Variants in ADGRV1 observed in about 807,000 individuals in gnomAD.
The protein encoded by ADGRV1 is G-protein coupled receptor 98.
In ADGRV1, 359 loss-of-function variants were observed where a neutral mutation model predicts 596.2. The ratio of observed to expected loss-of-function variants is 0.60; its 90% CI spans 0.55 to 0.66. The LOEUF (loss-of-function observed/expected upper bound fraction) is 0.66, where lower values mean the gene tolerates loss of function less well. Ranked by LOEUF, ADGRV1 falls within the 30% of genes least tolerant of loss-of-function variation. The probability of loss-of-function intolerance (pLI) is 0.00; values close to 1 mark genes in which losing one functional copy is unlikely to be tolerated. For synonymous variants in ADGRV1, 2,681 were observed against 2,679.2 expected, an observed-to-expected ratio of 1.00 and a Z score of -0.02; for missense variants, 7,274 against 7,575.6, an observed-to-expected ratio of 0.96 and a Z score of 1.48.
rs1052699448 is a variant in ADGRV1 at position 90,878,167 on chromosome 5, T to C, written c.17856+14310T>C. 1.4e-4 allele frequency among the ~76,000 whole-genome samples: 22 copies of C among 152,204 alleles called. 1 individual carries two copies. The highest frequency in any genetic ancestry group is 3.6e-4 in the African/African-American group (15 of 41,462). On this transcript the variant is annotated intron_variant, in intron 83 of 89. Coordinates refer to ENST00000405460, the MANE Select transcript of ADGRV1 (RefSeq NM_032119.4). ...CTAAATAGAAGCAAGTTTGAGAGAA[T>C]AGACTTCCGTCAGAATTGGCTACTG...
chr5:90,940,947 T>G (rs1776120501), intron 83 of ADGRV1, among the ~76,000 whole-genome samples: 1 of 152,210 alleles, frequency 6.6e-6, no homozygotes, highest in African/African-American at 2.4e-5. Flanking sequence ...GACACAGAAG[T>G]AGCTGTTTGT....
At position 91,006,575 on chromosome 5, in the gene ADGRV1, T is replaced by C. The variant is rs113866054; in HGVS notation, c.18152+21053T>C. Among the ~76,000 whole-genome samples, 302 of 152,304 alleles carry C rather than the reference T, an allele frequency of 2.0e-3. 1 individual carries two copies. The highest frequency in any genetic ancestry group is 7.0e-3 in the African/African-American group (291 of 41,576). ...TGGAGAAACCTGAATGATAGATAAG[T>C]ACTTCCTCTAACACGGTCAATTGAA... On this transcript the variant is annotated intron_variant, in intron 85 of 89. Coordinates refer to ENST00000405460, the MANE Select transcript of ADGRV1 (RefSeq NM_032119.4).
intron 41 of ADGRV1, 23 bp from the exon 42 acceptor site, chr5:90,712,264 T>G: frequency 7.0e-7 from 1 of 1,434,948 alleles, no homozygotes; most frequent in Non-Finnish European, 9.5e-7. Flanking sequence ...TATAATACAT[T>G]CTGCTTTTAC....
chr5:90,672,738 T>C lies in ADGRV1; in HGVS notation c.4929+16T>C. 1 of 1,560,380 alleles carries C rather than the reference T, an allele frequency of 6.4e-7. No homozygotes were observed. Among genetic ancestry groups the C allele is most frequent in the Non-Finnish European group, 8.7e-7 (1 of 1,150,462 alleles). On this transcript the variant is annotated intron_variant, in intron 22 of 89. Transcript: ENST00000405460. ...GAGATCAGAGGTAAACCCTACCTTT[T>C]TTGTTCCTTTGAAAGCCTCCTGGAA...
At chr5:90,602,506 A>C (rs891080100) in intron 1 of ADGRV1, among the ~76,000 whole-genome samples, 7 of 152,190 alleles carry the variant, frequency 4.6e-5, no homozygotes, top group African/African-American at 1.7e-4. Context: ...GGTCTTCCCC[A>C]AAACCCATAA....
intron 83 of ADGRV1, among the ~76,000 whole-genome samples, chr5:90,932,958 C>T (rs1775385938): frequency 6.6e-6 from 1 of 152,068 alleles, no homozygotes; most frequent in African/African-American, 2.4e-5. Flanking sequence ...ATATGCAGGC[C>T]CCACGTATAT....
In ADGRV1 at chr5:90,635,592, CT is replaced by C. The variant is rs34061974; in HGVS notation, c.2016+316del. On this transcript the variant is annotated intron_variant, in intron 10 of 89. Coordinates refer to ENST00000405460, the MANE Select transcript of ADGRV1 (RefSeq NM_032119.4). ...TACTACAGTGGTAGCCAAACATAAA[CT>C]TTTTTTTTTTTTTCTTTGAGAGAGG... Among the ~76,000 whole-genome samples the C allele has an allele frequency of 0.077, 10,593 of 137,512 alleles. 411 individuals carry two copies. Among genetic ancestry groups the C allele is most frequent in the Non-Finnish European group, 0.098 (6,230 of 63,464 alleles). The allele number at this position is 137,512 out of a possible 152,430, so 90.2% of individuals were successfully genotyped here. A position where few individuals can be genotyped will look rare whatever the true frequency, so the allele number is the denominator to read the frequency against.
rs566705525 is a variant in ADGRV1 at position 90,767,520 on chromosome 5, GA to G, written c.12285+4054del. Among the ~76,000 whole-genome samples, 5 of 152,270 alleles carry G rather than the reference GA, an allele frequency of 3.3e-5. No homozygotes were observed. The South Asian group carries it at 1.0e-3, about 32-fold the overall frequency. ...ACAAATAAATTTTAAAAACCTATGT[GA>G]AATTGGCTCTAGCAGATATACAGCA... is the stretch of plus-strand genomic sequence containing the variant. On this transcript the variant is annotated intron_variant, in intron 59 of 89. Transcript: ENST00000405460.
intron 1 of ADGRV1, among the ~76,000 whole-genome samples, chr5:90,579,824 T>A (rs143997333): frequency 0.048 from 7,368 of 152,254 alleles, 575 homozygotes; most frequent in African/African-American, 0.17. Context: ...GTATAGTTAG[T>A]TCTTCTTGTT....
chr5:90,700,479 T>A (rs1747770551), intron 34 of ADGRV1, among the ~76,000 whole-genome samples: 1 of 152,188 alleles, frequency 6.6e-6, no homozygotes, highest in Non-Finnish European at 1.5e-5. Flanking sequence ...TTCTTTCAAA[T>A]GTAATGGACA....
intron 83 of ADGRV1, among the ~76,000 whole-genome samples, chr5:90,918,640 A>G (rs1223602434): frequency 6.6e-6 from 1 of 152,140 alleles, no homozygotes; most frequent in Non-Finnish European, 1.5e-5. Flanking sequence ...GTAAATAATA[A>G]TAAGTTTCCA....
chr5:90,668,046 G>T (rs1426845310), intron 21 of ADGRV1, among the ~76,000 whole-genome samples: 5 of 151,898 alleles, frequency 3.3e-5, no homozygotes, highest in Non-Finnish European at 7.4e-5. Context: ...GTCTGCAGAG[G>T]TTACTGCTGT....
intron 1 of ADGRV1, among the ~76,000 whole-genome samples, chr5:90,582,494 T>G (rs1178829201): frequency 6.6e-6 from 1 of 152,150 alleles, no homozygotes; most frequent in African/African-American, 2.4e-5. Context: ...TCTGTTTTAT[T>G]TGATATAAGA....
chr5:90,700,550 C>G (rs1282296395), intron 34 of ADGRV1, among the ~76,000 whole-genome samples: 1 of 152,090 alleles, frequency 6.6e-6, no homozygotes, highest in Non-Finnish European at 1.5e-5. Flanking sequence ...TAAATGTGCT[C>G]TTTATAAATC....
chr5:90,730,370 GA>G (rs1232633950), intron 50 of ADGRV1, among the ~76,000 whole-genome samples: 4 of 152,154 alleles, frequency 2.6e-5, no homozygotes, highest in African/African-American at 9.7e-5. Context: ...TTTGTCTAGA[GA>G]AACATGAAGA....
chr5:90,794,027 T>A (rs532932836), intron 70 of ADGRV1, among the ~76,000 whole-genome samples: 1 of 152,158 alleles, frequency 6.6e-6, no homozygotes, highest in South Asian at 2.1e-4. Flanking sequence ...GTTTCTTTCT[T>A]CCCTCTCACC....
At chr5:90,725,324 A>T in intron 47 of ADGRV1, 92 bp downstream of exon 47, 2 of 912,988 alleles carry the variant, frequency 2.2e-6, no homozygotes, top group Non-Finnish European at 3.2e-6. Context: ...TGTATGTTTT[A>T]TGTTAATGTG....
intron 38 of ADGRV1, among the ~76,000 whole-genome samples, chr5:90,707,773 T>G (rs1748795106): frequency 6.6e-6 from 1 of 152,162 alleles, no homozygotes; most frequent in African/African-American, 2.4e-5. Context: ...ACATTGGGTT[T>G]TTGTTTCCAC....
intron 49 of ADGRV1, 113 bp downstream of exon 49, chr5:90,729,046 A>T (rs1000492113): frequency 1.4e-6 from 1 of 700,422 alleles, no homozygotes; most frequent in Non-Finnish European, 2.3e-6. Context: ...AATCCATAGA[A>T]TATTTCTTGA....
Sources: gnomAD v4.1 joint callset for allele counts (sites outside exome capture counted in the v4.1 genomes callset) on GRCh38, gnomAD v4.1.1 for gene constraint, MANE v1.5 for transcripts, NCBI Gene and HGNC (gene_info 2026-07-23, HGNC 2026-07-21) for gene names.